The following MITF variants were observed in gnomAD, a reference collection of about 807,000 sequenced individuals.
The protein encoded by MITF is melanocyte inducing transcription factor, also known as microphthalmia-associated transcription factor.
A neutral mutation model predicts 60.5 loss-of-function variants in MITF; 17 were observed. That is an observed-to-expected ratio of 0.28 (90% CI 0.19 to 0.42). The LOEUF is 0.42. Ranked by LOEUF, MITF falls within the 10% of genes least tolerant of loss-of-function variation. MITF has a pLI of 1.00. For missense variants in MITF, 622 were observed against 683.5 expected (o/e 0.91, Z 1.00); for synonymous variants, 260 against 248.5 (o/e 1.05, Z -0.43).
At chr3:69,895,459 G>C (rs972355814) in intron 2 of MITF, among the ~76,000 whole-genome samples, 17 of 152,182 alleles carry the variant, frequency 1.1e-4, no homozygotes, top group Admixed American at 9.8e-4. Context: ...GACTTATTCA[G>C]AATAGATGGC....
In MITF at chr3:69,763,917, T is replaced by C. The variant is rs781087974; in HGVS notation, c.104+24216T>C. 1.6e-5 allele frequency: 22 copies of C among 1,372,236 alleles called. No homozygotes were observed. The highest frequency in any genetic ancestry group is 7.1e-5 in the East Asian group (2 of 28,036). 85.0% of individuals were successfully genotyped at this position (1,372,236 alleles called of 1,614,324 possible). ...TCTCTGTGAAAAGGAAACCAGGAAATTGACTCTGTGCCTGTTTTCAAGAAG... is the reference window on the plus strand; with the variant it reads ...TCTCTGTGAAAAGGAAACCAGGAAACTGACTCTGTGCCTGTTTTCAAGAAG... On this transcript the variant is annotated intron_variant, in intron 1 of 9. Transcript: ENST00000352241.
chr3:69,843,921 G>A (rs2063684463), intron 1 of MITF, among the ~76,000 whole-genome samples: 1 of 152,220 alleles, frequency 6.6e-6, no homozygotes, highest in Non-Finnish European at 1.5e-5. Context: ...AGACCCCGGT[G>A]TGTGATATTC....
intron 1 of MITF, among the ~76,000 whole-genome samples, chr3:69,767,542 G>A (rs377587811): frequency 3.6e-4 from 54 of 152,056 alleles, no homozygotes; most frequent in African/African-American, 1.1e-3. Flanking sequence ...CCGAGATTGC[G>A]CCACTGCACT....
At chr3:69,778,435 T>C (rs1053089158) in intron 1 of MITF, among the ~76,000 whole-genome samples, 7 of 152,190 alleles carry the variant, frequency 4.6e-5, no homozygotes, top group African/African-American at 1.4e-4. Flanking sequence ...TGTAAACAAA[T>C]AGGGATTTAT....
At chr3:69,742,729 G>C (rs867751827) in intron 1 of MITF, among the ~76,000 whole-genome samples, 68 of 152,160 alleles carry the variant, frequency 4.5e-4, no homozygotes, top group African/African-American at 1.6e-3. Context: ...TATTAGCATG[G>C]TGCCTGGCAC....
intron 2 of MITF, among the ~76,000 whole-genome samples, chr3:69,924,944 A>T (rs770956995): frequency 6.6e-6 from 1 of 152,144 alleles, no homozygotes; most frequent in Non-Finnish European, 1.5e-5. Flanking sequence ...AGAGAAAAAG[A>T]TAAAAGGATA....
chr3:69,950,111 C>T (rs748211898), intron 6 of MITF, among the ~76,000 whole-genome samples: 22 of 151,946 alleles, frequency 1.4e-4, no homozygotes, highest in Non-Finnish European at 2.8e-4. Context: ...AGGAAAATTA[C>T]TGCAAGACAA....
At chr3:69,777,879 A>G (rs2062499929) in intron 1 of MITF, among the ~76,000 whole-genome samples, 1 of 152,184 alleles carries the variant, frequency 6.6e-6, no homozygotes, top group South Asian at 2.1e-4. Context: ...GGTGGGCTTT[A>G]TTAGAAGGCC....
chr3:69,739,508 C>T lies in MITF; in HGVS notation c.-90C>T, dbSNP rs1228314156. 2.4e-6 allele frequency: 3 copies of T among 1,237,026 alleles called. No homozygotes were observed. Among genetic ancestry groups the T allele is most frequent in the Non-Finnish European group, 3.5e-6 (3 of 863,816 alleles). The allele number at this position is 1,237,026 out of a possible 1,614,324, so 76.6% of individuals were successfully genotyped here. On this transcript the variant is annotated 5_prime_UTR_variant, in exon 1 of 10. In the 5' UTR this introduces an upstream ATG that the reference lacks. Transcript: ENST00000352241. ...GAGCTCGGCACTGCGCCGGGGCGCA[C>T]GGCTCGGGGGACCCAGGCCCAGCTA... is the stretch of plus-strand genomic sequence containing the variant.
chr3:69,843,901 G>A (rs567094840), intron 1 of MITF, among the ~76,000 whole-genome samples: 13 of 151,956 alleles, frequency 8.6e-5, no homozygotes, highest in South Asian at 4.2e-4. Flanking sequence ...CTAGTCCCCC[G>A]CCCCACGATA....
At chr3:69,837,959 T>A (rs1309849080) in intron 1 of MITF, among the ~76,000 whole-genome samples, 2 of 152,348 alleles carry the variant, frequency 1.3e-5, no homozygotes, top group Non-Finnish European at 2.9e-5. Flanking sequence ...ACTTGCATAA[T>A]ATGTACATAG....
intron 9 of MITF, among the ~76,000 whole-genome samples, chr3:69,963,962 T>C (rs567972161): frequency 2.1e-5 from 3 of 144,514 alleles, no homozygotes; most frequent in African/African-American, 7.9e-5. Context: ...ATGTTTCTTT[T>C]TTCTTTTCTT....
intron 1 of MITF, chr3:69,758,829 G>A (rs1215650424): frequency 4.7e-6 from 1 of 210,684 alleles, no homozygotes; most frequent in African/African-American, 2.3e-5. Flanking sequence ...CTTTTCTTTT[G>A]TTAGCTATGA....
intron 1 of MITF, among the ~76,000 whole-genome samples, chr3:69,746,076 A>G (rs1031460546): frequency 2.0e-5 from 3 of 152,246 alleles, no homozygotes; most frequent in Non-Finnish European, 4.4e-5. Context: ...TTCAAATCGT[A>G]CTATGCAGAT....
At chr3:69,799,028 G>C (rs1187042573) in intron 1 of MITF, among the ~76,000 whole-genome samples, 1 of 152,192 alleles carries the variant, frequency 6.6e-6, no homozygotes, top group Non-Finnish European at 1.5e-5. Flanking sequence ...ATACAGCAGA[G>C]AGAGCGTCAG....
At chr3:69,881,134 T>A (rs898207338) in intron 2 of MITF, among the ~76,000 whole-genome samples, 30 of 152,228 alleles carry the variant, frequency 2.0e-4, no homozygotes, top group African/African-American at 6.7e-4. Flanking sequence ...CCAATATTTT[T>A]ATATGTTGCT....
chr3:69,771,466 T>G (rs185648851), intron 1 of MITF, among the ~76,000 whole-genome samples: 1 of 152,326 alleles, frequency 6.6e-6, no homozygotes, highest in Admixed American at 6.5e-5. Context: ...TTAATGGTTT[T>G]GAATGGTCCC....
rs372561023 is a variant in MITF at position 69,824,269 on chromosome 3, G to T, written c.105-54865G>T. On this transcript the variant is annotated intron_variant, in intron 1 of 9. Transcript: ENST00000352241. ...GTTTCCAGACTTTATTGTATCTTGA[G>T]AAGAGAACTGTTTTCCCTCTAAATC... Among the ~76,000 whole-genome samples the T allele has an allele frequency of 3.3e-5, 5 of 152,278 alleles. No individual in the cohort carries two copies. In the South Asian group the frequency reaches 1.0e-3, roughly 32 times the overall value.
chr3:69,772,115 T>C (rs540052421), intron 1 of MITF, among the ~76,000 whole-genome samples: 7 of 152,300 alleles, frequency 4.6e-5, no homozygotes, highest in Non-Finnish European at 7.4e-5. Flanking sequence ...CAAACCTTTA[T>C]TGGGTTCTTA....
Sources: allele counts gnomAD v4.1 joint callset (sites outside exome capture counted in the v4.1 genomes callset), GRCh38; gene constraint gnomAD v4.1.1; transcripts MANE v1.5; gene names NCBI Gene and HGNC (gene_info 2026-07-23, HGNC 2026-07-21).